Variants in L3MBTL4 observed in about 807,000 individuals in gnomAD.
L3MBTL4 encodes the protein L3MBTL histone methyl-lysine binding protein 4.
Under a neutral mutation model 84.5 loss-of-function variants are expected in L3MBTL4, and 70 were observed. The observed-to-expected ratio is 0.83, with a 90% CI of 0.68 to 1.01. The LOEUF is 1.01. Ranked by LOEUF, L3MBTL4 falls within the 50% of genes least tolerant of loss-of-function variation. The pLI is 0.00. For missense variants in L3MBTL4, 715 were observed against 754.8 expected (o/e 0.95, Z 0.62); for synonymous variants, 274 against 259.8 (o/e 1.05, Z -0.52).
intron 14 of L3MBTL4, among the ~76,000 whole-genome samples, chr18:6,121,942 T>C (rs2059543560): frequency 6.6e-6 from 1 of 152,154 alleles, no homozygotes; most frequent in African/African-American, 2.4e-5. Context: ...AGAGGCATAA[T>C]TTCAACTACC....
At chr18:6,390,020 C>T (rs936455199) in intron 1 of L3MBTL4, among the ~76,000 whole-genome samples, 2 of 152,094 alleles carry the variant, frequency 1.3e-5, no homozygotes, top group African/African-American at 4.8e-5. Flanking sequence ...GCACATGGAG[C>T]ATTCTCCAAG....
At chr18:6,114,886 A>AG (rs35142375) in intron 14 of L3MBTL4, among the ~76,000 whole-genome samples, 4,920 of 152,270 alleles carry the variant, frequency 0.032, 250 homozygotes, top group African/African-American at 0.11. Context: ...ACGGTGGTGC[A>AG]GGTTCACTTA....
chr18:5,956,468 G>A (rs1489435244), intron 18 of L3MBTL4, 81 bp from the exon 19 acceptor site: 4 of 1,347,140 alleles, frequency 3.0e-6, no homozygotes, highest in Non-Finnish European at 4.2e-6. Flanking sequence ...TTGGTTCTGA[G>A]TGTGATGTGG....
intron 4 of L3MBTL4, among the ~76,000 whole-genome samples, chr18:6,272,310 C>G (rs1000335695): frequency 6.6e-5 from 10 of 152,144 alleles, no homozygotes; most frequent in Admixed American, 6.5e-4. Context: ...GGAGGGCACC[C>G]TACCAAATAC....
rs530019875 is a variant in L3MBTL4, at chr18:6,166,654, G to C, written c.1096+5174C>G. 3.1e-3 allele frequency among the ~76,000 whole-genome samples: 473 copies of C among 152,230 alleles called. 2 individuals are homozygous for C. Among genetic ancestry groups the C allele is most frequent in the African/African-American group, 0.011 (443 of 41,538 alleles). The stretch of plus-strand genomic sequence containing the variant: ...ACGAGAACAAAGACACAACATACCA[G>C]AATCTCTGGGACACATTCAAAGCAG... On this transcript the variant is annotated intron_variant, in intron 13 of 18. Transcript: ENST00000317931.
intron 18 of L3MBTL4, among the ~76,000 whole-genome samples, chr18:5,958,537 A>G (rs1009278339): frequency 6.6e-6 from 1 of 152,196 alleles, no homozygotes; most frequent in Non-Finnish European, 1.5e-5. Flanking sequence ...GTAATCTATT[A>G]TATGGGTTTG....
chr18:5,979,150 C>A (rs891535521), intron 16 of L3MBTL4, among the ~76,000 whole-genome samples: 2 of 152,170 alleles, frequency 1.3e-5, no homozygotes, highest in African/African-American at 4.8e-5. Flanking sequence ...CCAACTCTGT[C>A]CATGCTATGA....
chr18:6,075,740 A>G (rs964023055), intron 16 of L3MBTL4, among the ~76,000 whole-genome samples: 3 of 152,130 alleles, frequency 2.0e-5, no homozygotes, highest in Non-Finnish European at 4.4e-5. Flanking sequence ...TAGACTGGAG[A>G]AGATATCTGT....
intron 13 of L3MBTL4, among the ~76,000 whole-genome samples, chr18:6,143,835 C>A (rs532236280): frequency 6.9e-6 from 1 of 145,114 alleles, no homozygotes; most frequent in South Asian, 2.1e-4. Flanking sequence ...CACCTATTAT[C>A]TGCCAGAACA....
intron 16 of L3MBTL4, among the ~76,000 whole-genome samples, chr18:5,980,793 ATTTTCTTC>A (rs1237062684): frequency 6.6e-6 from 1 of 152,002 alleles, no homozygotes; most frequent in Non-Finnish European, 1.5e-5. Context: ...CTCATGGGCT[ATTTTCTTC>A]TTGTAGGAGT....
At chr18:6,402,648 C>T (rs2055559734) in intron 1 of L3MBTL4, among the ~76,000 whole-genome samples, 1 of 152,084 alleles carries the variant, frequency 6.6e-6, no homozygotes, top group African/African-American at 2.4e-5. Context: ...AATTTAATCA[C>T]TAGTGATTAA....
At chr18:6,344,588 T>C (rs57676887) in intron 1 of L3MBTL4, among the ~76,000 whole-genome samples, 29,813 of 152,048 alleles carry the variant, frequency 0.2, 3,684 homozygotes, top group African/African-American at 0.36. Flanking sequence ...CATTCCAATA[T>C]ACTAAAATTA....
intron 16 of L3MBTL4, among the ~76,000 whole-genome samples, chr18:6,078,550 C>T (rs1054608616): frequency 2.7e-5 from 4 of 150,392 alleles, no homozygotes; most frequent in Admixed American, 2.0e-4. Flanking sequence ...CGTTTAATAT[C>T]ACCATAAGAA....
intron 9 of L3MBTL4, among the ~76,000 whole-genome samples, chr18:6,238,629 T>G (rs1013601718): frequency 1.3e-5 from 2 of 152,168 alleles, no homozygotes; most frequent in African/African-American, 2.4e-5. Context: ...TTAATAAACT[T>G]CTACCACTTC....
At chr18:6,095,421 G>T (rs1335044833) in intron 14 of L3MBTL4, among the ~76,000 whole-genome samples, 1 of 148,698 alleles carries the variant, frequency 6.7e-6, no homozygotes, top group Non-Finnish European at 1.5e-5. Flanking sequence ...GATGATCTCG[G>T]CTCACTGCAA....
At chr18:6,086,348 G>A (rs1186499814) in intron 15 of L3MBTL4, among the ~76,000 whole-genome samples, 2 of 152,166 alleles carry the variant, frequency 1.3e-5, no homozygotes. Context: ...CCTGAGCCAA[G>A]GCAGGATTCC....
At chr18:6,336,964 T>C (rs976059467) in intron 1 of L3MBTL4, among the ~76,000 whole-genome samples, 2 of 152,192 alleles carry the variant, frequency 1.3e-5, no homozygotes, top group Non-Finnish European at 2.9e-5. Flanking sequence ...ATATCTGGAA[T>C]GTGTAAAAAG....
chr18:5,973,233 T>A (rs1391714759), intron 16 of L3MBTL4, among the ~76,000 whole-genome samples: 1 of 152,186 alleles, frequency 6.6e-6, no homozygotes, highest in Non-Finnish European at 1.5e-5. Flanking sequence ...ACCTGAGTGG[T>A]CCTGGAATGA....
intron 10 of L3MBTL4, among the ~76,000 whole-genome samples, chr18:6,221,819 G>A (rs1029864933): frequency 3.3e-5 from 5 of 152,152 alleles, no homozygotes; most frequent in African/African-American, 1.2e-4. Context: ...CACAAGGCAG[G>A]GCAGTGAGTC....
Sources: allele counts gnomAD v4.1 joint callset (sites outside exome capture counted in the v4.1 genomes callset), GRCh38; gene constraint gnomAD v4.1.1; transcripts MANE v1.5; gene names NCBI Gene and HGNC (gene_info 2026-07-23, HGNC 2026-07-21).